The following ABAT variants were observed in gnomAD, a reference collection of about 807,000 sequenced individuals.
The protein encoded by ABAT is 4-aminobutyrate aminotransferase, mitochondrial.
Under a neutral mutation model 64.6 loss-of-function variants are expected in ABAT, and 45 were observed. That is an observed-to-expected ratio of 0.70 (90% CI 0.55 to 0.89). ABAT has a LOEUF of 0.89. ABAT is among the 40% of genes least tolerant of loss of function. The probability of loss-of-function intolerance (pLI) is 0.00; values close to 1 mark genes in which losing one functional copy is unlikely to be tolerated. For synonymous variants in ABAT, 297 were observed against 250.5 expected (o/e 1.19, Z -1.75); for missense variants, 633 against 658.4 (o/e 0.96, Z 0.42).
At chr16:8,709,241 T>TC (rs202213428) in intron 1 of ABAT, among the ~76,000 whole-genome samples, 4,652 of 151,994 alleles carry the variant, frequency 0.031, 215 homozygotes, top group African/African-American at 0.11. Context: ...TATTTATCTT[T>TC]TTTCAACTTT....
chr16:8,712,649 T>TTGGGGGC (rs1390319314), intron 1 of ABAT, among the ~76,000 whole-genome samples: 37 of 152,256 alleles, frequency 2.4e-4, no homozygotes, highest in Non-Finnish European at 4.9e-4. Flanking sequence ...CTGCCCCGAT[T>TTGGGGGC]TGGGGGCTGG....
intron 1 of ABAT, among the ~76,000 whole-genome samples, chr16:8,707,675 C>T (rs1223699345): frequency 2.0e-5 from 3 of 152,166 alleles, no homozygotes; most frequent in African/African-American, 4.8e-5. Flanking sequence ...GCAGCCACAC[C>T]GTGGAACCTA....
chr16:8,721,394 C>G (rs60732583), intron 1 of ABAT, among the ~76,000 whole-genome samples: 8 of 151,976 alleles, frequency 5.3e-5, no homozygotes, highest in South Asian at 2.1e-4. Flanking sequence ...TCTCAGCCTC[C>G]GAGCCTCCAG....
At chr16:8,675,257 A>C (rs1249270291) in intron 1 of ABAT, among the ~76,000 whole-genome samples, 1 of 151,928 alleles carries the variant, frequency 6.6e-6, no homozygotes, top group African/African-American at 2.4e-5. Context: ...GAGATAGATG[A>C]TTCACCCTTA....
At chr16:8,734,365 G>A (rs150379754) in intron 1 of ABAT, among the ~76,000 whole-genome samples, 1 of 152,140 alleles carries the variant, frequency 6.6e-6, no homozygotes, top group East Asian at 1.9e-4. Flanking sequence ...AACAGTACTT[G>A]GTACAAAGTC....
At chr16:8,777,100 C>T (rs1432952945) in intron 14 of ABAT, among the ~76,000 whole-genome samples, 1 of 151,830 alleles carries the variant, frequency 6.6e-6, no homozygotes, top group Middle Eastern at 3.2e-3. Context: ...AGGGTTTCAC[C>T]ATGTTGGCCA....
intron 14 of ABAT, among the ~76,000 whole-genome samples, chr16:8,777,871 G>A (rs911174250): frequency 2.0e-5 from 3 of 152,172 alleles, no homozygotes; most frequent in Non-Finnish European, 4.4e-5. Flanking sequence ...CCAGTACTTA[G>A]GGAGGCAGAA....
At chr16:8,738,017 G>GAA (rs2059030033) in intron 2 of ABAT, among the ~76,000 whole-genome samples, 3 of 35,008 alleles carry the variant, frequency 8.6e-5, no homozygotes, top group East Asian at 1.2e-3. Context: ...AGAAAGAAAG[G>GAA]AAAGAAAGAA....
chr16:8,733,065 G>A (rs1278026401), intron 1 of ABAT, among the ~76,000 whole-genome samples: 1 of 143,518 alleles, frequency 7.0e-6, no homozygotes, highest in African/African-American at 2.8e-5. Context: ...GCGGCTGGCC[G>A]GGCGGGGGGC....
At chr16:8,710,485 C>T (rs2058042091) in intron 1 of ABAT, among the ~76,000 whole-genome samples, 1 of 152,166 alleles carries the variant, frequency 6.6e-6, no homozygotes, top group South Asian at 2.1e-4. Flanking sequence ...CACCTTTAAT[C>T]TCAGCACTTT....
In ABAT at chr16:8,764,701, G is replaced by C. The variant is rs780270093; in HGVS notation, c.448-37G>C. 66 of 1,584,474 alleles carry C rather than the reference G, an allele frequency of 4.2e-5. No individual in the cohort carries two copies. The Admixed American group carries it at 1.1e-3, about 26-fold the overall frequency. On this transcript the variant is annotated intron_variant, in intron 7 of 15. Transcript: ENST00000268251. This position sits in a 1 kb window ranked among gnomAD's most constrained non-coding sequence, Gnocchi z 4.2. ...GGGGAAGCGGGAGGACAGGAGTCAT[G>C]ATGAGCCTGGGCTCACGGCTATTTC... is the stretch of plus-strand genomic sequence containing the variant.
chr16:8,737,991 G>GAAGGAAGGAAGAAA lies in ABAT; in HGVS notation c.70+2182_70+2183insAAGGAAGGAAGAAA, dbSNP rs55862439. On this transcript the variant is annotated intron_variant, in intron 2 of 15. Transcript: ENST00000268251. Reference sequence around the variant, plus strand: ...AAGGAAGGAAGGAAGGAAGGAAGGAGGAAAGAAAGAAAGAAAGAAAGAAAG... The same window carrying GAAGGAAGGAAGAAA: ...AAGGAAGGAAGGAAGGAAGGAAGGAGAAGGAAGGAAGAAAGAAAGAAAGAAAGAAAGAAAGAAAG... Among the ~76,000 whole-genome samples the GAAGGAAGGAAGAAA allele has an allele frequency of 2.0e-4, 3 of 14,952 alleles. 1 individual carries two copies. The highest frequency in any genetic ancestry group is 3.7e-4 in the Non-Finnish European group (3 of 8,120). The allele number at this position is 14,952 out of a possible 152,430, so 9.8% of individuals were successfully genotyped here. A position where few individuals can be genotyped will look rare whatever the true frequency, so the allele number is the denominator to read the frequency against.
intron 1 of ABAT, among the ~76,000 whole-genome samples, chr16:8,688,076 A>T (rs200207374): frequency 2.0e-5 from 3 of 151,002 alleles, no homozygotes; most frequent in East Asian, 2.0e-4. Flanking sequence ...CTTATTTTTT[A>T]TTTTTTTTGT....
chr16:8,721,871 G>A (rs996373215), intron 1 of ABAT, among the ~76,000 whole-genome samples: 2 of 152,190 alleles, frequency 1.3e-5, no homozygotes, highest in African/African-American at 2.4e-5. Context: ...GAAAAAGGAC[G>A]AGGAGAGGTG....
intron 1 of ABAT, chr16:8,720,690 C>G (rs565049623): frequency 6.6e-6 from 1 of 152,438 alleles, no homozygotes; most frequent in South Asian, 2.1e-4. Flanking sequence ...GCCTTGACAA[C>G]TGAAGTGCAC....
intron 1 of ABAT, among the ~76,000 whole-genome samples, chr16:8,722,385 T>C (rs1252375313): frequency 6.6e-6 from 1 of 152,170 alleles, no homozygotes; most frequent in South Asian, 2.1e-4. Context: ...CCTCAGCTGA[T>C]CCATCTGCCT....
chr16:8,708,120 C>G (rs1290249269), intron 1 of ABAT, among the ~76,000 whole-genome samples: 1 of 152,130 alleles, frequency 6.6e-6, no homozygotes, highest in South Asian at 2.1e-4. Context: ...AGGGTGGAAG[C>G]CTGAACTTGA....
intron 1 of ABAT, among the ~76,000 whole-genome samples, chr16:8,685,706 A>G (rs922094126): frequency 6.6e-6 from 1 of 151,942 alleles, no homozygotes; most frequent in Non-Finnish European, 1.5e-5. Context: ...AACAACAGCA[A>G]CATCGAAAAA....
At chr16:8,693,277 A>G (rs1373070439) in intron 1 of ABAT, among the ~76,000 whole-genome samples, 2 of 152,180 alleles carry the variant, frequency 1.3e-5, no homozygotes. Context: ...TTATGCATCC[A>G]TGACATACCT....
Sources: allele counts gnomAD v4.1 joint callset (sites outside exome capture counted in the v4.1 genomes callset), GRCh38; gene constraint gnomAD v4.1.1; non-coding constraint Gnocchi (gnomAD v3.1); transcripts MANE v1.5; gene names NCBI Gene and HGNC (gene_info 2026-07-23, HGNC 2026-07-21).